Variants in LIMCH1 observed in about 807,000 individuals in gnomAD.
LIMCH1 encodes LIM and calponin homology domains-containing protein 1.
Under a neutral mutation model 176.5 loss-of-function variants are expected in LIMCH1, and 113 were observed. The ratio of observed to expected loss-of-function variants is 0.64; its 90% CI spans 0.55 to 0.75. The LOEUF is 0.75. LIMCH1 is among the 30% of genes least tolerant of loss of function. LIMCH1 has a pLI of 0.00. For missense variants in LIMCH1, 1,674 were observed against 1,814.9 expected (o/e 0.92, Z 1.41); for synonymous variants, 619 against 645.9 (o/e 0.96, Z 0.63).
intron 1 of LIMCH1, among the ~76,000 whole-genome samples, chr4:41,597,129 C>T (rs1361943803): frequency 1.3e-5 from 2 of 152,086 alleles, no homozygotes; most frequent in African/African-American, 2.4e-5. Flanking sequence ...GCCTTCGAGG[C>T]GTCTATGATC....
rs754245526 is a variant in LIMCH1, at chr4:41,605,897, T to C, written c.-99T>C. On this transcript the variant is annotated 5_prime_UTR_variant, in exon 4 of 32. Coordinates refer to ENST00000503057, the MANE Select transcript of LIMCH1 (RefSeq NM_001330672.2). ...TCTTGTGCGTTTTGTTCCACAGGTA[T>C]TAGTTACCATTTACTGGCTGGGAAA... 7.5e-6 allele frequency: 12 copies of C among 1,607,608 alleles called. No homozygotes were observed. In the Middle Eastern group the frequency reaches 4.9e-4, roughly 66 times the overall value.
intron 1 of LIMCH1, among the ~76,000 whole-genome samples, chr4:41,361,493 G>C (rs1341519675): frequency 2.0e-5 from 3 of 152,186 alleles, no homozygotes; most frequent in African/African-American, 7.2e-5. Flanking sequence ...GGCACAGTGC[G>C]CAGGGCGGGG....
intron 1 of LIMCH1, among the ~76,000 whole-genome samples, chr4:41,425,117 C>T (rs2060951628): frequency 6.6e-6 from 1 of 152,132 alleles, no homozygotes; most frequent in African/African-American, 2.4e-5. Context: ...CAAATTGGTT[C>T]TTAAACTAAG....
chr4:41,363,118 C>G (rs1178180278), intron 1 of LIMCH1, among the ~76,000 whole-genome samples: 8 of 152,160 alleles, frequency 5.3e-5, no homozygotes, highest in African/African-American at 1.9e-4. Context: ...TAGAGACCTC[C>G]CCCTTCCTTC....
intron 13 of LIMCH1, among the ~76,000 whole-genome samples, chr4:41,635,606 A>G (rs1240183276): frequency 6.6e-6 from 1 of 152,168 alleles, no homozygotes; most frequent in African/African-American, 2.4e-5. Flanking sequence ...ACAGGGAGGA[A>G]TGGTCAGGTG....
intron 1 of LIMCH1, among the ~76,000 whole-genome samples, chr4:41,485,873 T>G (rs1166184789): frequency 6.6e-6 from 1 of 152,078 alleles, no homozygotes; most frequent in East Asian, 1.9e-4. Context: ...CCTTGACCTA[T>G]GTAGGTGTAA....
In LIMCH1 at chr4:41,586,846, G is replaced by A. The variant is rs568541231; in HGVS notation, c.-240-12074G>A. 3.3e-5 allele frequency among the ~76,000 whole-genome samples: 5 copies of A among 152,288 alleles called. No homozygotes were observed. In the East Asian group the frequency reaches 7.7e-4, roughly 24 times the overall value. On this transcript the variant is annotated intron_variant, in intron 1 of 31. Coordinates refer to ENST00000503057, the MANE Select transcript of LIMCH1 (RefSeq NM_001330672.2). ...ACAGCTGCTGTATGGATGGTCATGA[G>A]TCTGGAATCCAGAAAGAGATAAAAT... is the stretch of plus-strand genomic sequence containing the variant.
At chr4:41,408,617 C>T (rs2059201547) in intron 1 of LIMCH1, among the ~76,000 whole-genome samples, 1 of 152,114 alleles carries the variant, frequency 6.6e-6, no homozygotes, top group African/African-American at 2.4e-5. Flanking sequence ...TGTTGATTTG[C>T]CCTGAGTGAA....
At chr4:41,499,589 G>A (rs1399965512) in intron 2 of LIMCH1, among the ~76,000 whole-genome samples, 2 of 152,204 alleles carry the variant, frequency 1.3e-5, no homozygotes, top group East Asian at 1.9e-4. Flanking sequence ...GAAGGGCAAG[G>A]TGGGGGGATC....
chr4:41,565,346 TACACACAC>T (rs34056313), intron 1 of LIMCH1, among the ~76,000 whole-genome samples: 272 of 128,604 alleles, frequency 2.1e-3, no homozygotes, highest in South Asian at 4.3e-3. Context: ...CTATTTCGGA[TACACACAC>T]ACACACACAC....
At chr4:41,372,763 A>G (rs2054167065) in intron 1 of LIMCH1, among the ~76,000 whole-genome samples, 1 of 152,176 alleles carries the variant, frequency 6.6e-6, no homozygotes, top group African/African-American at 2.4e-5. Flanking sequence ...TGGGTACTAC[A>G]TAAAGCAGCA....
intron 1 of LIMCH1, among the ~76,000 whole-genome samples, chr4:41,456,782 C>T (rs771274655): frequency 1.3e-5 from 2 of 152,136 alleles, no homozygotes; most frequent in Non-Finnish European, 2.9e-5. Flanking sequence ...TGGGTCAGCT[C>T]AGAGGTTTGG....
intron 4 of LIMCH1, chr4:41,612,851 CTTT>C (rs61338165): frequency 7.1e-3 from 7,452 of 1,056,466 alleles, no homozygotes; most frequent in South Asian, 0.01. Flanking sequence ...CATTGCCTTT[CTTT>C]TTTTTTTTTT....
chr4:41,671,419 C>A, intron 21 of LIMCH1, 135 bp from the exon 22 acceptor site: 1 of 625,358 alleles, frequency 1.6e-6, no homozygotes, highest in Non-Finnish European at 2.9e-6. Flanking sequence ...CACACACACA[C>A]ACACACACAC....
chr4:41,619,107 C>T (rs2092366054), intron 5 of LIMCH1, 81 bp from the exon 6 acceptor site: 3 of 1,492,260 alleles, frequency 2.0e-6, no homozygotes, highest in South Asian at 2.4e-5. Context: ...CAGATTGAAC[C>T]ACATCCCTAA....
chr4:41,673,849 T>C (rs1253885049), intron 22 of LIMCH1, among the ~76,000 whole-genome samples: 1 of 152,186 alleles, frequency 6.6e-6, no homozygotes, highest in Non-Finnish European at 1.5e-5. Flanking sequence ...TTAAATGCTG[T>C]CCATTCTGAC....
intron 1 of LIMCH1, among the ~76,000 whole-genome samples, chr4:41,579,706 C>G (rs1024505335): frequency 6.6e-6 from 1 of 152,220 alleles, no homozygotes; most frequent in Non-Finnish European, 1.5e-5. Flanking sequence ...TCTCCTCCCC[C>G]ACTGTACACT....
intron 1 of LIMCH1, among the ~76,000 whole-genome samples, chr4:41,557,391 T>A (rs927161144): frequency 6.6e-6 from 1 of 152,118 alleles, no homozygotes; most frequent in Non-Finnish European, 1.5e-5. Context: ...CTAACTCCAC[T>A]CTCTCATACA....
At chr4:41,406,727 T>G (rs2058997689) in intron 1 of LIMCH1, among the ~76,000 whole-genome samples, 1 of 152,168 alleles carries the variant, frequency 6.6e-6, no homozygotes, top group Non-Finnish European at 1.5e-5. Context: ...GTCATTAAAG[T>G]TAAAAATATT....
Sources: allele counts gnomAD v4.1 joint callset (sites outside exome capture counted in the v4.1 genomes callset), GRCh38; gene constraint gnomAD v4.1.1; transcripts MANE v1.5; gene names NCBI Gene and HGNC (gene_info 2026-07-23, HGNC 2026-07-21).